The following RBFOX1 variants were observed in gnomAD, a reference collection of about 807,000 sequenced individuals.
The protein encoded by RBFOX1 is RNA binding protein fox-1 homolog 1.
A neutral mutation model predicts 57.7 loss-of-function variants in RBFOX1; 8 were observed. That is an observed-to-expected ratio of 0.14 (90% CI 0.08 to 0.25). The LOEUF (loss-of-function observed/expected upper bound fraction) is 0.25. Ranked by LOEUF, RBFOX1 falls within the 10% of genes least tolerant of loss-of-function variation. RBFOX1 has a pLI of 1.00. For synonymous variants in RBFOX1, 326 were observed against 222.4 expected, an observed-to-expected ratio of 1.47 and a Z score of -4.15; for missense variants, 611 against 548.5, an observed-to-expected ratio of 1.11 and a Z score of -1.14.
rs2095535882 is a variant in RBFOX1 at position 6,487,737 on chromosome 16, AT to A, written c.-63-166865del. Among the ~76,000 whole-genome samples the A allele has an allele frequency of 5.3e-5, 3 of 56,604 alleles. 1 individual carries two copies. The highest frequency in any genetic ancestry group is 1.7e-4 in the African/African-American group (3 of 18,010). 37.1% of individuals were successfully genotyped at this position (56,604 alleles called of 152,430 possible). A position where few individuals can be genotyped will look rare whatever the true frequency, so the allele number is the denominator to read the frequency against. ...TATATATATATATATATATATATAT[AT>A]ATATATATATATATATAAAATATTA... On this transcript the variant is annotated intron_variant, in intron 2 of 15. Transcript: ENST00000550418.
intron 4 of RBFOX1, among the ~76,000 whole-genome samples, chr16:7,110,114 C>A (rs1006488176): frequency 6.7e-6 from 1 of 149,422 alleles, no homozygotes; most frequent in Non-Finnish European, 1.5e-5. Context: ...CATTGGGAGG[C>A]TTTGGAAGGA....
At chr16:7,452,933 A>T (rs1243161411) in intron 4 of RBFOX1, among the ~76,000 whole-genome samples, 1 of 152,098 alleles carries the variant, frequency 6.6e-6, no homozygotes, top group Non-Finnish European at 1.5e-5. Context: ...GTTAGAGAAC[A>T]GCCTGGCCAA....
chr16:5,323,422 G>T (rs956312759), intron 1 of RBFOX1, among the ~76,000 whole-genome samples: 2 of 152,152 alleles, frequency 1.3e-5, no homozygotes, highest in Non-Finnish European at 2.9e-5. Context: ...ACTCTGCTGC[G>T]GTGACCCTGG....
chr16:5,677,465 C>T (rs545040199), intron 3 of RBFOX1, among the ~76,000 whole-genome samples: 43 of 152,252 alleles, frequency 2.8e-4, no homozygotes, highest in Non-Finnish European at 4.7e-4. Context: ...AATGTGCTTA[C>T]GAGTGATTAG....
intron 2 of RBFOX1, among the ~76,000 whole-genome samples, chr16:6,517,932 T>C (rs2096412996): frequency 6.6e-6 from 1 of 152,184 alleles, no homozygotes; most frequent in Non-Finnish European, 1.5e-5. Flanking sequence ...ATAGTAGTGA[T>C]GATGGTGATG....
At chr16:6,811,491 G>A (rs1037644090) in intron 3 of RBFOX1, among the ~76,000 whole-genome samples, 3 of 152,132 alleles carry the variant, frequency 2.0e-5, no homozygotes, top group Non-Finnish European at 2.9e-5. Context: ...AGGAGTCAGG[G>A]ATGTTTAAGT....
At chr16:6,754,036 C>T (rs2075388120) in intron 3 of RBFOX1, among the ~76,000 whole-genome samples, 1 of 152,062 alleles carries the variant, frequency 6.6e-6, no homozygotes. Context: ...AGTAGTTTAT[C>T]CAATATACAT....
chr16:6,515,754 G>A (rs1169986057), intron 2 of RBFOX1, among the ~76,000 whole-genome samples: 1 of 152,056 alleles, frequency 6.6e-6, no homozygotes, highest in Non-Finnish European at 1.5e-5. Flanking sequence ...ACTAATGTTA[G>A]CCATAAACAT....
intron 5 of RBFOX1, among the ~76,000 whole-genome samples, chr16:7,555,351 GA>G (rs2088010067): frequency 6.6e-6 from 1 of 152,150 alleles, no homozygotes; most frequent in Non-Finnish European, 1.5e-5. Flanking sequence ...AAAGGCTGTG[GA>G]AATTTCAGTA....
chr16:7,597,200 A>G (rs2094748785), intron 8 of RBFOX1, 171 bp from the exon 9 acceptor site: 1 of 508,526 alleles, frequency 2.0e-6, no homozygotes, highest in South Asian at 3.1e-5. Context: ...AGTAAATGTA[A>G]TTTTAAAAAT....
At chr16:5,712,910 A>C (rs1359470606) in intron 3 of RBFOX1, among the ~76,000 whole-genome samples, 1 of 152,170 alleles carries the variant, frequency 6.6e-6, no homozygotes, top group Non-Finnish European at 1.5e-5. Context: ...TTGACTAGTC[A>C]TGTTTTTCCA....
chr16:5,491,338 C>T (rs920329108), intron 2 of RBFOX1, among the ~76,000 whole-genome samples: 7 of 152,150 alleles, frequency 4.6e-5, no homozygotes, highest in African/African-American at 1.7e-4. Flanking sequence ...TGACTATTAT[C>T]GCCAAAGGTT....
At chr16:6,827,535 C>T (rs544175965) in intron 3 of RBFOX1, among the ~76,000 whole-genome samples, 2 of 152,224 alleles carry the variant, frequency 1.3e-5, no homozygotes, top group South Asian at 4.2e-4. Flanking sequence ...GTGACCATGT[C>T]ACTCCTCTGT....
At chr16:7,034,154 G>C (rs1201453426) in intron 3 of RBFOX1, among the ~76,000 whole-genome samples, 2 of 152,126 alleles carry the variant, frequency 1.3e-5, no homozygotes. Flanking sequence ...CTCATTGCTG[G>C]TTCTGGATTC....
chr16:7,583,505 C>G (rs1329121001), intron 6 of RBFOX1, among the ~76,000 whole-genome samples: 2 of 152,178 alleles, frequency 1.3e-5, no homozygotes, highest in African/African-American at 4.8e-5. Flanking sequence ...AACATTTAAA[C>G]ATTCTGGGTT....
chr16:5,863,027 C>A (rs2057261782), intron 3 of RBFOX1, among the ~76,000 whole-genome samples: 1 of 152,062 alleles, frequency 6.6e-6, no homozygotes, highest in Non-Finnish European at 1.5e-5. Flanking sequence ...TGGCAGAATC[C>A]CTGCCTGGGT....
intron 3 of RBFOX1, among the ~76,000 whole-genome samples, chr16:6,862,956 G>A (rs905210234): frequency 2.0e-5 from 3 of 150,836 alleles, no homozygotes; most frequent in Admixed American, 6.6e-5. Flanking sequence ...CTGCACTCCA[G>A]CCTGGGCGAC....
intron 4 of RBFOX1, among the ~76,000 whole-genome samples, chr16:7,088,127 AATGTGT>A (rs573091214): frequency 1.5e-3 from 230 of 152,310 alleles, no homozygotes; most frequent in African/African-American, 5.0e-3. Context: ...ATGACAAAAA[AATGTGT>A]ATGTGTATGG....
At chr16:7,321,783 C>A (rs1277811074) in intron 4 of RBFOX1, among the ~76,000 whole-genome samples, 1 of 152,206 alleles carries the variant, frequency 6.6e-6, no homozygotes, top group South Asian at 2.1e-4. Context: ...AGTGGTTCCT[C>A]TTTTGATGTC....
Sources: gnomAD v4.1 joint callset for allele counts (sites outside exome capture counted in the v4.1 genomes callset) on GRCh38, gnomAD v4.1.1 for gene constraint, MANE v1.5 for transcripts, NCBI Gene and HGNC (gene_info 2026-07-23, HGNC 2026-07-21) for gene names.